Variants in GABRA5 observed in about 807,000 individuals in gnomAD.
The protein encoded by GABRA5 is gamma-aminobutyric acid type A receptor subunit alpha5, also known as gamma-aminobutyric acid receptor subunit alpha-5.
GABRA5 carries 18 observed loss-of-function variants against 47.3 expected under a neutral mutation model. The ratio of observed to expected loss-of-function variants is 0.38; its 90% CI spans 0.26 to 0.56. The LOEUF (loss-of-function observed/expected upper bound fraction) is 0.56, where lower values mean the gene tolerates loss of function less well. GABRA5 is among the 20% of genes least tolerant of loss of function. The pLI, the probability that GABRA5 is intolerant of heterozygous loss-of-function variation, is 0.71. For synonymous variants in GABRA5, 237 were observed against 229.3 expected (o/e 1.03, Z -0.30); for missense variants, 365 against 599.3 (o/e 0.61, Z 4.08).
chr15:26,888,862 C>A (rs770893246), intron 6 of GABRA5, among the ~76,000 whole-genome samples: 1 of 152,124 alleles, frequency 6.6e-6, no homozygotes, highest in Non-Finnish European at 1.5e-5. Flanking sequence ...GAGAGCAAGT[C>A]CCCCCGGTAG....
In GABRA5 at chr15:26,939,971, T is replaced by C; in HGVS notation, c.771T>C (p.Ile257=). Residue 257 remains isoleucine, a synonymous_variant, in exon 9 of 11, where the codon ATT becomes ATC. Transcript: ENST00000335625. The part of the protein sequence containing the change: ...MTAHFHLKRK[I]GYFVIQTYLP... ...CTCACTTCCACCTGAAAAGGAAGAT[T>C]GGCTACTTTGTCATCCAGACCTACC... The C allele has an allele frequency of 6.2e-7, 1 of 1,614,020 alleles. No individual in the cohort carries two copies. The highest frequency in any genetic ancestry group is 8.5e-7 in the Non-Finnish European group (1 of 1,179,898).
chr15:26,923,765 T>TTTTTACACTTTTTTACACTTTTTTACA (rs1367237896), intron 7 of GABRA5, among the ~76,000 whole-genome samples: 1 of 152,192 alleles, frequency 6.6e-6, no homozygotes, highest in Non-Finnish European at 1.5e-5. Context: ...GTCATTTTCA[T>TTTTTACACTTTTTTACACTTTTTTACA]CTACTTTCTT....
intron 1 of GABRA5, 157 bp from the exon 2 acceptor site, chr15:26,868,572 T>G (rs1288580604): frequency 6.6e-6 from 1 of 152,350 alleles, no homozygotes; most frequent in Admixed American, 6.5e-5. Flanking sequence ...GTGGAGAGAC[T>G]TCCACAGATG....
chr15:26,922,664 A>G (rs1270725529), intron 7 of GABRA5, among the ~76,000 whole-genome samples: 1 of 144,354 alleles, frequency 6.9e-6, no homozygotes, highest in Admixed American at 7.2e-5. Flanking sequence ...CTTACTGTGG[A>G]CATTTTTTAC....
chr15:26,867,098 G>T lies in GABRA5; in HGVS notation c.-153G>T. On this transcript the variant is annotated 5_prime_UTR_variant, in exon 1 of 11. Coordinates refer to ENST00000335625, the MANE Select transcript of GABRA5 (RefSeq NM_000810.4). The surrounding 1 kb of genome is among the most constrained non-coding windows in gnomAD (Gnocchi z 5.9). Reference sequence around the variant, plus strand: ...ATCCTCCAGCCCAGAGACGACATGTGGCGCTCGGGCGAGGTGAGAGCGGGC... The same window carrying T: ...ATCCTCCAGCCCAGAGACGACATGTTGCGCTCGGGCGAGGTGAGAGCGGGC... 1 of 152,284 alleles carries T rather than the reference G, an allele frequency of 6.6e-6. No individual in the cohort carries two copies. Among genetic ancestry groups the T allele is most frequent in the South Asian group, 1.9e-4 (1 of 5,360 alleles). The allele number at this position is 152,284 out of a possible 1,614,324, so 9.4% of individuals were successfully genotyped here.
chr15:26,935,804 C>T lies in GABRA5; in HGVS notation c.581-1381C>T, dbSNP rs570610088. Among the ~76,000 whole-genome samples, 36 of 152,302 alleles carry T rather than the reference C, an allele frequency of 2.4e-4. No individual in the cohort carries two copies. The South Asian group carries it at 6.0e-3, about 25-fold the overall frequency. Reference sequence around the variant, plus strand: ...CTCCTTCTCTTCCTCTCCCTGCTTCCCTTTCATCCTTGAGCAGATTTGGCA... The same window carrying T: ...CTCCTTCTCTTCCTCTCCCTGCTTCTCTTTCATCCTTGAGCAGATTTGGCA... On this transcript the variant is annotated intron_variant, in intron 7 of 10. Transcript: ENST00000335625.
At chr15:26,902,560 G>T (rs924948720) in intron 6 of GABRA5, among the ~76,000 whole-genome samples, 1 of 151,972 alleles carries the variant, frequency 6.6e-6, no homozygotes, top group Non-Finnish European at 1.5e-5. Flanking sequence ...ATACATAGAC[G>T]AGCATGCTCA....
intron 6 of GABRA5, among the ~76,000 whole-genome samples, chr15:26,911,398 AAC>A (rs1211826336): frequency 1.0e-4 from 10 of 96,840 alleles, no homozygotes; most frequent in African/African-American, 2.0e-4. Context: ...CACACACACA[AAC>A]ACACACACTC....
At chr15:26,946,631 G>A (rs936755366) in intron 10 of GABRA5, among the ~76,000 whole-genome samples, 1 of 152,086 alleles carries the variant, frequency 6.6e-6, no homozygotes, top group African/African-American at 2.4e-5. Context: ...TGGACATTGT[G>A]TGTAACTCAA....
intron 10 of GABRA5, among the ~76,000 whole-genome samples, chr15:26,946,035 T>C (rs2140604095): frequency 6.6e-6 from 1 of 152,286 alleles, no homozygotes. Context: ...ATTTCCGAGG[T>C]GTGGCCCGCC....
chr15:26,924,952 T>C (rs1893925727), intron 7 of GABRA5, among the ~76,000 whole-genome samples: 1 of 152,168 alleles, frequency 6.6e-6, no homozygotes, highest in African/African-American at 2.4e-5. Context: ...CCTATCTGCC[T>C]GCTTCTTTCT....
At position 26,888,961 on chromosome 15, in the gene GABRA5, C is replaced by T. The variant is rs759271322; in HGVS notation, c.497+5404C>T. On this transcript the variant is annotated intron_variant, in intron 6 of 10. Transcript: ENST00000335625. ...GTGGTTCTGCCTGGCTCAGAGAACC[C>T]GGCCGCTGCTCCACCCAAGGTCACT... 4.6e-5 allele frequency among the ~76,000 whole-genome samples: 7 copies of T among 152,218 alleles called. No homozygotes were observed. The South Asian group carries it at 6.2e-4, about 13-fold the overall frequency.
At chr15:26,870,882 T>G (rs1246780505) in intron 3 of GABRA5, among the ~76,000 whole-genome samples, 1 of 152,232 alleles carries the variant, frequency 6.6e-6, no homozygotes, top group African/African-American at 2.4e-5. Context: ...GATTGGAAAC[T>G]TATATTTTCT....
Position 26,948,052 on chromosome 15 carries a change from T to C in GABRA5, c.1208T>C (p.Val403Ala), listed in dbSNP as rs1279256707. The C allele has an allele frequency of 1.2e-6, 2 of 1,608,382 alleles. No homozygotes were observed. Among genetic ancestry groups the C allele is most frequent in the Admixed American group, 1.7e-5 (1 of 59,222 alleles). ...GCAGGGACGTCGAATACAACCTCAGTCTCAGTAAAACCCTCTGAAGAGAAG... is the reference window on the plus strand; with the variant it reads ...GCAGGGACGTCGAATACAACCTCAGCCTCAGTAAAACCCTCTGAAGAGAAG... The part of the protein sequence containing the change: ...TPAGTSNTTS[V>A]SVKPSEEKTS... The change falls in exon 11 of 11, where the codon GTC (valine) becomes GCC (alanine). Residue 403 changes from valine to alanine, a missense_variant. Around this residue, in one of 3 missense-constraint regions of GABRA5, gnomAD observed 106 missense variants for 130.3 expected, o/e 0.81. Transcript: ENST00000335625.
At chr15:26,893,223 C>T (rs374539091) in intron 6 of GABRA5, among the ~76,000 whole-genome samples, 4 of 35,256 alleles carry the variant, frequency 1.1e-4, no homozygotes, top group African/African-American at 2.2e-4. Context: ...ATGGTGTGAG[C>T]GTATGGTGTG....
intron 6 of GABRA5, among the ~76,000 whole-genome samples, chr15:26,895,226 T>C (rs1035106246): frequency 6.6e-6 from 1 of 151,508 alleles, no homozygotes; most frequent in African/African-American, 2.4e-5. Context: ...TGGCTGCCAC[T>C]GCCACAGCTG....
In GABRA5 at chr15:26,883,286, C is replaced by T; in HGVS notation, c.277-51C>T. ...CAATTCTTACTCCGCGCCGCAGGCC[C>T]CCGCCCAGGCCCCGTGCCCTCTGAC... On this transcript the variant is annotated intron_variant, in intron 5 of 10. Transcript: ENST00000335625. The surrounding 1 kb of genome is among the most constrained non-coding windows in gnomAD (Gnocchi z 4.8). 1.2e-6 allele frequency: 2 copies of T among 1,611,116 alleles called. No homozygotes were observed. Among genetic ancestry groups the T allele is most frequent in the South Asian group, 2.2e-5 (2 of 91,026 alleles).
chr15:26,892,308 T>C (rs1310532281), intron 6 of GABRA5, among the ~76,000 whole-genome samples: 1 of 152,208 alleles, frequency 6.6e-6, no homozygotes. Flanking sequence ...CTGTGAACGG[T>C]GGCTTCCGCG....
At chr15:26,921,609 C>A (rs999822943) in intron 7 of GABRA5, among the ~76,000 whole-genome samples, 2 of 151,958 alleles carry the variant, frequency 1.3e-5, no homozygotes, top group African/African-American at 4.8e-5. Context: ...CTGCTTTCAT[C>A]TTTTTATTTT....
Sources: gnomAD v4.1 joint callset for allele counts (sites outside exome capture counted in the v4.1 genomes callset) on GRCh38, gnomAD v4.1.1 for gene constraint, gnomAD v4.1.1 regional missense constraint, Gnocchi (gnomAD v3.1) non-coding constraint, MANE v1.5 for transcripts, NCBI Gene and HGNC (gene_info 2026-07-23, HGNC 2026-07-21) for gene names.